USP44: variants seen among roughly 807,000 people sequenced by gnomAD.
USP44 encodes ubiquitin carboxyl-terminal hydrolase 44.
In USP44, 61 loss-of-function variants were observed where a neutral mutation model predicts 69.0. The observed-to-expected ratio is 0.88, with a 90% confidence interval of 0.72 to 1.09. The LOEUF is 1.09. Among genes scored for constraint, USP44 ranks in the 50% least tolerant of loss-of-function variants. The pLI is 0.00. For missense variants in USP44, 753 were observed against 849.9 expected (o/e 0.89, Z 1.42); for synonymous variants, 297 against 295.4 (o/e 1.01, Z -0.06).
chr12:95,543,422 A>AG (rs1315576379), intron 1 of USP44, among the ~76,000 whole-genome samples: 4 of 150,728 alleles, frequency 2.7e-5, no homozygotes, highest in African/African-American at 9.7e-5. Flanking sequence ...AAAAAAAAAA[A>AG]AAAAAAGAAA....
intron 5 of USP44, among the ~76,000 whole-genome samples, chr12:95,518,728 C>T (rs1031202261): frequency 2.0e-5 from 3 of 152,060 alleles, no homozygotes; most frequent in South Asian, 2.1e-4. Flanking sequence ...TCACCTGAGG[C>T]CAGGAGTTAG....
intron 1 of USP44, among the ~76,000 whole-genome samples, chr12:95,538,542 A>AG (rs2077278551): frequency 1.2e-5 from 1 of 81,544 alleles, no homozygotes; most frequent in Non-Finnish European, 2.0e-5. Flanking sequence ...TGCATTTTAA[A>AG]AGGGGGGGGT....
intron 3 of USP44, among the ~76,000 whole-genome samples, chr12:95,527,207 G>T (rs2076868227): frequency 6.6e-6 from 1 of 151,322 alleles, no homozygotes; most frequent in Admixed American, 6.6e-5. Flanking sequence ...TGATTCTCCT[G>T]CCTCGGCCTC....
At chr12:95,551,070 T>C (rs2077715251) in intron 1 of USP44, among the ~76,000 whole-genome samples, 1 of 152,200 alleles carries the variant, frequency 6.6e-6, no homozygotes, top group South Asian at 2.1e-4. Context: ...TAGCATGCTC[T>C]AGCTCATTTC....
At chr12:95,519,816 G>T (rs2076597364) in intron 5 of USP44, among the ~76,000 whole-genome samples, 1 of 150,750 alleles carries the variant, frequency 6.6e-6, no homozygotes, top group Non-Finnish European at 1.5e-5. Flanking sequence ...AAGGCTGACA[G>T]ATCACTTAAG....
chr12:95,543,833 G>A (rs991833896), intron 1 of USP44, among the ~76,000 whole-genome samples: 3 of 150,180 alleles, frequency 2.0e-5, no homozygotes, highest in South Asian at 2.1e-4. Flanking sequence ...CAGGCGTAGT[G>A]GCGGGCGCCT....
At chr12:95,531,287 A>G (rs1042187656) in intron 2 of USP44, among the ~76,000 whole-genome samples, 6 of 152,216 alleles carry the variant, frequency 3.9e-5, no homozygotes, top group Non-Finnish European at 7.3e-5. Flanking sequence ...AATATTTTTA[A>G]TTATTGGAAA....
rs2077718951 is a variant in USP44, at chr12:95,551,365, A to AGTTTCCATCC, written c.-165_-164insGGATGGAAAC. 2 of 152,504 alleles carry AGTTTCCATCC rather than the reference A, an allele frequency of 1.3e-5. No homozygotes were observed. The highest frequency in any genetic ancestry group is 2.9e-5 in the Non-Finnish European group (2 of 68,042). 9.4% of individuals were successfully genotyped at this position (152,504 alleles called of 1,614,324 possible). A position where few individuals can be genotyped will look rare whatever the true frequency, so the allele number is the denominator to read the frequency against. On this transcript the variant is annotated 5_prime_UTR_variant, in exon 1 of 6. In the 5' UTR this introduces an upstream ATG that the reference lacks. Transcript: ENST00000258499. ...GGATCGCCCAGTTTCCATCAGGGCA[A>AGTTTCCATCC]ATGCTGATCTCCTAAGTGAAAAGTC... is the stretch of plus-strand genomic sequence containing the variant.
rs1343076031 is a variant in USP44, at chr12:95,516,671, G to T, written c.*1483C>A. On this transcript the variant is annotated 3_prime_UTR_variant, in exon 6 of 6. Coordinates refer to ENST00000258499, the MANE Select transcript of USP44 (RefSeq NM_032147.5). ...TTAAACATAGCCATTTAATATTCCA[G>T]ATGTATTTTCGGCACAAATGATTTG... 6.6e-6 allele frequency: 1 copy of T among 152,110 alleles called. No individual in the cohort carries two copies. The highest frequency in any genetic ancestry group is 2.4e-5 in the African/African-American group (1 of 41,402). 9.4% of individuals were successfully genotyped at this position (152,110 alleles called of 1,614,324 possible).
intron 5 of USP44, among the ~76,000 whole-genome samples, chr12:95,520,511 G>C (rs1051317856): frequency 4.6e-5 from 7 of 151,968 alleles, no homozygotes; most frequent in Admixed American, 6.6e-5. Context: ...AAAGGTGTTG[G>C]GGGGAGTAAA....
At chr12:95,525,318 C>T (rs894998932) in intron 3 of USP44, among the ~76,000 whole-genome samples, 1 of 152,258 alleles carries the variant, frequency 6.6e-6, no homozygotes, top group Non-Finnish European at 1.5e-5. Flanking sequence ...GATCCACCTG[C>T]CTCGTCCTCC....
chr12:95,521,084 T>G lies in USP44; in HGVS notation c.1852A>C (p.Ile618Leu), dbSNP rs1252977925. Residue 618 changes from isoleucine to leucine, a missense_variant, in exon 5 of 6, where the codon ATC becomes CTC. By Grantham distance (5) the Ile-to-Leu change is conservative. Transcript: ENST00000258499. ...ATCACCACCGCGGACAAGTCATAGA[T>G]AAAGCATTCTGGTCTGAGGGATTTC... ...TLKSLRPECF[I>L]YDLSAVVMHH... 6.2e-7 allele frequency: 1 copy of G among 1,614,184 alleles called. No individual in the cohort carries two copies. The highest frequency in any genetic ancestry group is 8.5e-7 in the Non-Finnish European group (1 of 1,180,034).
intron 5 of USP44, among the ~76,000 whole-genome samples, chr12:95,519,393 A>G (rs1190078068): frequency 7.0e-6 from 1 of 143,716 alleles, no homozygotes; most frequent in East Asian, 2.1e-4. Flanking sequence ...CAAAACACTT[A>G]TGGTCCCGAG....
In USP44 at chr12:95,533,831, A is replaced by G; in HGVS notation, c.426T>C (p.Ser142=). ...AAAGAGCAGTATACAGTTGATCTTC[A>G]CTTTGAAGCAGAGATTGGGCACCGT... ...LHDGAQSLLQ[S]EDQLYTALWH... Residue 142 remains serine, a synonymous_variant, in exon 2 of 6, where the codon AGT becomes AGC. Transcript: ENST00000258499. 6.2e-7 allele frequency: 1 copy of G among 1,614,106 alleles called. No homozygotes were observed.
chr12:95,529,429 C>CTT (rs537451703), intron 2 of USP44, among the ~76,000 whole-genome samples: 7 of 145,410 alleles, frequency 4.8e-5, no homozygotes, highest in Admixed American at 3.4e-4. Flanking sequence ...TTTCTTTCAT[C>CTT]TTTTTTTTTT....
intron 3 of USP44, among the ~76,000 whole-genome samples, chr12:95,525,916 G>T (rs73231345): frequency 6.6e-6 from 1 of 152,342 alleles, no homozygotes; most frequent in Non-Finnish European, 1.5e-5. Context: ...TGAGCTCTAA[G>T]CCACCTTCGC....
chr12:95,519,912 C>T (rs2140203538), intron 5 of USP44, among the ~76,000 whole-genome samples: 1 of 145,190 alleles, frequency 6.9e-6, no homozygotes, highest in East Asian at 2.1e-4. Context: ...TGGTGGTGCA[C>T]ACCTGCAATC....
At chr12:95,519,846 C>G (rs2140203130) in intron 5 of USP44, among the ~76,000 whole-genome samples, 1 of 150,876 alleles carries the variant, frequency 6.6e-6, no homozygotes, top group East Asian at 2.0e-4. Flanking sequence ...TCAAGACCAG[C>G]CTGGCCAACA....
intron 3 of USP44, among the ~76,000 whole-genome samples, chr12:95,526,283 A>G (rs1157813794): frequency 6.6e-6 from 1 of 152,154 alleles, no homozygotes; most frequent in East Asian, 1.9e-4. Context: ...TTTTAAAAAA[A>G]CCTTATAGGC....
Sources: gnomAD v4.1 joint callset for allele counts (sites outside exome capture counted in the v4.1 genomes callset) on GRCh38, gnomAD v4.1.1 for gene constraint, MANE v1.5 for transcripts, NCBI Gene and HGNC (gene_info 2026-07-23, HGNC 2026-07-21) for gene names.